The following EPHA5 variants were observed in gnomAD, a reference collection of about 807,000 sequenced individuals.
EPHA5 encodes the protein ephrin type-A receptor 5.
In EPHA5, 60 loss-of-function variants were observed where a neutral mutation model predicts 105.0. The observed-to-expected ratio is 0.57, with a 90% CI of 0.46 to 0.71. The LOEUF is 0.71. EPHA5 is among the 30% of genes least tolerant of loss of function. The pLI is 0.00. For synonymous variants in EPHA5, 513 were observed against 449.1 expected (o/e 1.14, Z -1.80); for missense variants, 1,218 against 1,274.7 (o/e 0.96, Z 0.68).
chr4:65,578,270 A>G (rs1053711161), intron 3 of EPHA5, among the ~76,000 whole-genome samples: 3 of 152,160 alleles, frequency 2.0e-5, no homozygotes, highest in Admixed American at 6.5e-5. Flanking sequence ...CATACAAGAC[A>G]TAACAGTAGG....
chr4:65,540,855 G>T, intron 3 of EPHA5, among the ~76,000 whole-genome samples: 1 of 117,578 alleles, frequency 8.5e-6, no homozygotes, highest in Non-Finnish European at 1.8e-5. Context: ...TCACATAGCA[G>T]TCAATTTTAT....
Position 65,365,193 on chromosome 4 carries a change from C to T in EPHA5, c.1997G>A (p.Gly666Asp), listed in dbSNP as rs2148889281. ...TTTCAAACGTCCACTACAAACTTCA[C>T]CAAATTCACCTTGTGATAAAGATGA... The part of the protein sequence containing the change: ...IERVIGAGEF[G>D]EVCSGRLKLP... The change falls in exon 11 of 17, where the codon GGT (glycine) becomes GAT (aspartate). Residue 666 changes from glycine to aspartate, a missense_variant. By Grantham distance (94) the Gly-to-Asp change is moderately conservative. Around this residue, in one of 3 missense-constraint regions of EPHA5, gnomAD observed 971 missense variants for 1,013.5 expected, o/e 0.96. Coordinates refer to ENST00000613740, the MANE Select transcript of EPHA5 (RefSeq NM_001281766.3). The T allele has an allele frequency of 1.2e-6, 2 of 1,608,266 alleles. No individual in the cohort carries two copies. The highest frequency in any genetic ancestry group is 1.7e-6 in the Non-Finnish European group (2 of 1,176,734).
chr4:65,621,549 C>T (rs1029796517), intron 2 of EPHA5, among the ~76,000 whole-genome samples: 2 of 152,152 alleles, frequency 1.3e-5, no homozygotes, highest in African/African-American at 2.4e-5. Flanking sequence ...GTATATAGTA[C>T]TTTGTACAAA....
At chr4:65,408,128 C>T (rs1220983597) in intron 7 of EPHA5, among the ~76,000 whole-genome samples, 4 of 151,822 alleles carry the variant, frequency 2.6e-5, no homozygotes, top group Non-Finnish European at 5.9e-5. Flanking sequence ...TTTGTTGGAC[C>T]TGAGGGCATT....
chr4:65,491,533 A>AT (rs1485884770), intron 4 of EPHA5, among the ~76,000 whole-genome samples: 3 of 152,084 alleles, frequency 2.0e-5, no homozygotes, highest in Admixed American at 2.0e-4. Flanking sequence ...TAACACAAAT[A>AT]TTTTCATAGA....
At chr4:65,491,453 A>C (rs1270698016) in intron 4 of EPHA5, among the ~76,000 whole-genome samples, 1 of 152,098 alleles carries the variant, frequency 6.6e-6, no homozygotes, top group South Asian at 2.1e-4. Flanking sequence ...AAAAGCGTTC[A>C]GATTTTGAAG....
At chr4:65,401,904 TGAGAGAGAGAGA>T (rs34334792) in intron 8 of EPHA5, among the ~76,000 whole-genome samples, 1 of 148,566 alleles carries the variant, frequency 6.7e-6, no homozygotes, top group Non-Finnish European at 1.5e-5. Context: ...TGTGTGTGTG[TGAGAGAGAGAGA>T]GAGAGAGAGA....
At chr4:65,362,088 A>G (rs1560453551) in intron 11 of EPHA5, among the ~76,000 whole-genome samples, 1 of 151,584 alleles carries the variant, frequency 6.6e-6, no homozygotes, top group Non-Finnish European at 1.5e-5. Flanking sequence ...ATTCGTCATG[A>G]AAGTTCTTTA....
At chr4:65,418,860 C>CTGTTTTTTTTTTT (rs1560516457) in intron 6 of EPHA5, among the ~76,000 whole-genome samples, 1 of 79,810 alleles carries the variant, frequency 1.3e-5, no homozygotes, top group Non-Finnish European at 2.4e-5. Flanking sequence ...CTTACCTAAA[C>CTGTTTTTTTTTTT]TCTTTTTTTT....
intron 5 of EPHA5, among the ~76,000 whole-genome samples, chr4:65,444,489 A>T (rs914153583): frequency 6.6e-6 from 1 of 152,274 alleles, no homozygotes; most frequent in African/African-American, 2.4e-5. Flanking sequence ...AAGAATTTTT[A>T]TAGGAGCTAT....
At chr4:65,659,121 A>T (rs1251157863) in intron 1 of EPHA5, among the ~76,000 whole-genome samples, 1 of 151,968 alleles carries the variant, frequency 6.6e-6, no homozygotes, top group East Asian at 1.9e-4. Flanking sequence ...GCCCAAAATA[A>T]TATAATCTAT....
In EPHA5 at chr4:65,476,127, A is replaced by AGAGAGAGAGAGAGT. The variant is rs1425495059; in HGVS notation, c.1402+14249_1402+14250insACTCTCTCTCTCTC. ...GAGAGAGAGAGAGAGAGAGAGAGAG[A>AGAGAGAGAGAGAGT]GTGTGTGTGTGTGTGTGTGTGTGTG... On this transcript the variant is annotated intron_variant, in intron 5 of 16. Coordinates refer to ENST00000613740, the MANE Select transcript of EPHA5 (RefSeq NM_001281766.3). 1.0e-4 allele frequency among the ~76,000 whole-genome samples: 12 copies of AGAGAGAGAGAGAGT among 119,192 alleles called. No homozygotes were observed. The South Asian group carries it at 2.2e-3, about 22-fold the overall frequency. The allele number at this position is 119,192 out of a possible 152,430, so 78.2% of individuals were successfully genotyped here.
intron 3 of EPHA5, among the ~76,000 whole-genome samples, chr4:65,515,109 C>A (rs940095234): frequency 1.3e-5 from 2 of 152,094 alleles, no homozygotes; most frequent in African/African-American, 4.8e-5. Context: ...CTCCATGTTC[C>A]CTAAAATCCA....
chr4:65,624,581 T>C (rs1416236013), intron 2 of EPHA5, among the ~76,000 whole-genome samples: 1 of 152,164 alleles, frequency 6.6e-6, no homozygotes, highest in African/African-American at 2.4e-5. Flanking sequence ...AAATCATTCA[T>C]AAGGAACATT....
chr4:65,559,949 G>T (rs1738840245), intron 3 of EPHA5, among the ~76,000 whole-genome samples: 1 of 152,100 alleles, frequency 6.6e-6, no homozygotes, highest in Non-Finnish European at 1.5e-5. Flanking sequence ...AAGTAGAAGT[G>T]CTGACAGTTC....
At chr4:65,443,897 TTGTGTGCCTGTGTG>T (rs758774507) in intron 5 of EPHA5, among the ~76,000 whole-genome samples, 85 of 117,904 alleles carry the variant, frequency 7.2e-4, no homozygotes, top group Non-Finnish European at 9.7e-4. Context: ...TTGCAGATGT[TTGTGTGCCTGTGTG>T]TGTGTGTGTG....
chr4:65,573,410 CAAAAAA>C, intron 3 of EPHA5: 270 of 649,368 alleles, frequency 4.2e-4, no homozygotes, highest in Middle Eastern at 1.6e-3. Context: ...GACTCCGTCT[CAAAAAA>C]AAAAAAAAAA....
In EPHA5 at chr4:65,643,848, T is replaced by G. The variant is rs373034231; in HGVS notation, c.182-421A>C. 5.3e-5 allele frequency among the ~76,000 whole-genome samples: 8 copies of G among 152,172 alleles called. No individual in the cohort carries two copies. The East Asian group carries it at 1.2e-3, about 22-fold the overall frequency. On this transcript the variant is annotated intron_variant, in intron 1 of 16. Transcript: ENST00000613740. ...TATTTTATTTTCTTCTGGAAAGCTG[T>G]TATGCAGCAATTAACAAATAATTTA...
At chr4:65,488,611 T>C (rs1017593196) in intron 5 of EPHA5, among the ~76,000 whole-genome samples, 35 of 152,328 alleles carry the variant, frequency 2.3e-4, no homozygotes, top group African/African-American at 8.2e-4. Context: ...TGTCCAGCTC[T>C]TTAGCACTTC....
Sources: allele counts gnomAD v4.1 joint callset (sites outside exome capture counted in the v4.1 genomes callset), GRCh38; gene constraint gnomAD v4.1.1; regional missense constraint gnomAD v4.1.1; transcripts MANE v1.5; gene names NCBI Gene and HGNC (gene_info 2026-07-23, HGNC 2026-07-21).